ANXA4: variants seen among roughly 807,000 people sequenced by gnomAD.
ANXA4 encodes annexin A4.
ANXA4 carries 39 observed loss-of-function variants against 49.8 expected under a neutral mutation model. The ratio of observed to expected loss-of-function variants is 0.78; its 90% CI spans 0.61 to 1.02. The LOEUF (loss-of-function observed/expected upper bound fraction) is 1.02, where lower values mean the gene tolerates loss of function less well. Ranked by LOEUF, ANXA4 falls within the 50% of genes least tolerant of loss-of-function variation. The probability of loss-of-function intolerance (pLI) is 0.00; values close to 1 mark genes in which losing one functional copy is unlikely to be tolerated. For synonymous variants in ANXA4, 134 were observed against 152.5 expected, an observed-to-expected ratio of 0.88 and a Z score of 0.89; for missense variants, 360 against 410.1, an observed-to-expected ratio of 0.88 and a Z score of 1.05.
intron 3 of ANXA4, among the ~76,000 whole-genome samples, chr2:69,797,834 G>T (rs1400249134): frequency 2.6e-5 from 4 of 152,210 alleles, no homozygotes; most frequent in African/African-American, 9.7e-5. Flanking sequence ...CTATTAGAGG[G>T]ATGTAAAAGG....
rs569018879 is a variant in ANXA4, at chr2:69,813,476, C to G, written c.534+767C>G. On this transcript the variant is annotated intron_variant, in intron 8 of 12. Transcript: ENST00000394295. ...ATGTTGGCCAGGCTGGTCTTAAACT[C>G]CTGACCTCTGGTGATCCGCCTGCCT... Among the ~76,000 whole-genome samples the G allele has an allele frequency of 8.4e-4, 128 of 152,254 alleles. 1 individual carries two copies. The highest frequency in any genetic ancestry group is 2.7e-3 in the African/African-American group (112 of 41,558).
At chr2:69,761,118 T>G (rs1427022086) in intron 1 of ANXA4, among the ~76,000 whole-genome samples, 2 of 152,066 alleles carry the variant, frequency 1.3e-5, no homozygotes, top group East Asian at 3.8e-4. Context: ...AAAATTAACT[T>G]AATAATATAG....
chr2:69,782,078 T>A (rs530503303), intron 2 of ANXA4, among the ~76,000 whole-genome samples: 19 of 152,244 alleles, frequency 1.2e-4, no homozygotes, highest in African/African-American at 4.6e-4. Flanking sequence ...TCGAATTGAA[T>A]CCCTTTGAGA....
chr2:69,777,385 GC>G (rs912215610), intron 1 of ANXA4, among the ~76,000 whole-genome samples: 1 of 152,146 alleles, frequency 6.6e-6, no homozygotes, highest in African/African-American at 2.4e-5. Context: ...AGGGCAACCA[GC>G]CCCCCATCCT....
chr2:69,793,871 G>T (rs950690123), intron 3 of ANXA4, among the ~76,000 whole-genome samples: 7 of 28,946 alleles, frequency 2.4e-4, no homozygotes, highest in Non-Finnish European at 3.5e-4. Flanking sequence ...AGAAAAAAAA[G>T]TTTCCAGATT....
intron 10 of ANXA4, 120 bp downstream of exon 10, chr2:69,818,814 C>A: frequency 1.6e-6 from 1 of 623,156 alleles, no homozygotes; most frequent in African/African-American, 1.9e-5. Flanking sequence ...ATGAATCACT[C>A]ATGTTACATT....
chr2:69,721,990 T>C (rs1198788363), intron 3 of ANXA4, among the ~76,000 whole-genome samples: 1 of 152,196 alleles, frequency 6.6e-6, no homozygotes, highest in African/African-American at 2.4e-5. Context: ...TTGGCTATCC[T>C]CTTCTATAAA....
intron 8 of ANXA4, chr2:69,814,843 G>A (rs1413949351): frequency 6.5e-6 from 1 of 152,972 alleles, no homozygotes; most frequent in East Asian, 1.9e-4. Flanking sequence ...GATCTTCAGA[G>A]GGAATCAGCA....
intron 1 of ANXA4, among the ~76,000 whole-genome samples, chr2:69,742,970 C>A (rs758611357): frequency 6.6e-6 from 1 of 152,142 alleles, no homozygotes; most frequent in African/African-American, 2.4e-5. Flanking sequence ...GTCCATGACA[C>A]CCCACCACCC....
At chr2:69,650,428 C>T (rs1676189435) in intron 1 of ANXA4, among the ~76,000 whole-genome samples, 1 of 151,944 alleles carries the variant, frequency 6.6e-6, no homozygotes, top group Non-Finnish European at 1.5e-5. Context: ...TTACAATAAA[C>T]AAAATAGTTA....
At chr2:69,748,024 G>A (rs1248337453) in intron 1 of ANXA4, among the ~76,000 whole-genome samples, 3 of 151,954 alleles carry the variant, frequency 2.0e-5, no homozygotes, top group African/African-American at 7.3e-5. Context: ...ACAAGAGAAC[G>A]GATCCCCTTT....
chr2:69,785,851 C>T (rs962360706), intron 2 of ANXA4, among the ~76,000 whole-genome samples: 1 of 152,164 alleles, frequency 6.6e-6, no homozygotes, highest in Non-Finnish European at 1.5e-5. Flanking sequence ...TTCCTATGAG[C>T]TCAAGGACCA....
intron 2 of ANXA4, among the ~76,000 whole-genome samples, chr2:69,655,073 C>T (rs1380075248): frequency 6.6e-6 from 1 of 151,948 alleles, no homozygotes; most frequent in African/African-American, 2.4e-5. Context: ...CCATAAAAAC[C>T]CTAGAAGAAA....
At chr2:69,741,877 A>AG, upstream of ANXA4, 1 of 152,546 alleles carries the variant, frequency 6.6e-6, no homozygotes, top group Non-Finnish European at 1.5e-5. Flanking sequence ...CAATCCGGGC[A>AG]GGGGGCGAGG....
At chr2:69,774,707 C>A (rs1573233048) in intron 1 of ANXA4, among the ~76,000 whole-genome samples, 3 of 152,250 alleles carry the variant, frequency 2.0e-5, no homozygotes, top group African/African-American at 7.2e-5. Context: ...CAGACAAATA[C>A]CCCGATGATC....
At chr2:69,756,409 G>A (rs567518990) in intron 1 of ANXA4, among the ~76,000 whole-genome samples, 1 of 152,256 alleles carries the variant, frequency 6.6e-6, no homozygotes, top group African/African-American at 2.4e-5. Context: ...AGGGGTGGGA[G>A]AAAAACTAGT....
upstream of ANXA4, among the ~76,000 whole-genome samples, chr2:69,738,215 T>C (rs972621664): frequency 1.3e-5 from 2 of 151,996 alleles, no homozygotes; most frequent in Non-Finnish European, 2.9e-5. Context: ...CGTGTGTAAG[T>C]GGGTGGGGCT....
chr2:69,761,272 T>C (rs1671272942), intron 1 of ANXA4, among the ~76,000 whole-genome samples: 4 of 152,154 alleles, frequency 2.6e-5, no homozygotes, highest in Admixed American at 2.6e-4. Context: ...CACATCCAAA[T>C]CTGAATGCAA....
Position 69,816,189 on chromosome 2 carries a change from T to A in ANXA4, c.623T>A (p.Leu208Ter). 6.2e-7 allele frequency: 1 copy of A among 1,613,938 alleles called. No homozygotes were observed. Among genetic ancestry groups the A allele is most frequent in the Non-Finnish European group, 8.5e-7 (1 of 1,179,788 alleles). ...VLCSRNRNHL[L>*]HVFDEYKRIS... ...TGTTCCCGGAACCGAAATCACCTGT[T>A]GCATGGTAAGGCACTTACTTCATTT... The change falls in exon 9 of 13, where the codon TTG (leucine) becomes TAG (stop). Residue 208 changes from leucine to a stop codon, truncating the protein, a stop_gained. Transcript: ENST00000394295. LOFTEE classifies it high-confidence loss of function.
Sources: allele counts gnomAD v4.1 joint callset (sites outside exome capture counted in the v4.1 genomes callset), GRCh38; gene constraint gnomAD v4.1.1; transcripts MANE v1.5; gene names NCBI Gene and HGNC (gene_info 2026-07-23, HGNC 2026-07-21).